ZEB1: variants seen among roughly 807,000 people sequenced by gnomAD.
The protein encoded by ZEB1 is zinc finger E-box binding homeobox 1.
A neutral mutation model predicts 84.9 loss-of-function variants in ZEB1; 21 were observed. The ratio of observed to expected loss-of-function variants is 0.25; its 90% CI spans 0.18 to 0.36. The LOEUF (loss-of-function observed/expected upper bound fraction) is 0.36. ZEB1 is among the 10% of genes least tolerant of loss of function. The pLI is 1.00. For missense variants in ZEB1, 1,104 were observed against 1,330.2 expected (o/e 0.83, Z 2.65); for synonymous variants, 420 against 471.1 (o/e 0.89, Z 1.41).
At chr10:31,348,195 T>C (rs2040662266) in intron 1 of ZEB1, among the ~76,000 whole-genome samples, 1 of 152,146 alleles carries the variant, frequency 6.6e-6, no homozygotes, top group Admixed American at 6.5e-5. Flanking sequence ...AAGCAGGGAA[T>C]GTCAGATGTA....
At chr10:31,448,553 T>G (rs2060098011) in intron 1 of ZEB1, among the ~76,000 whole-genome samples, 1 of 151,020 alleles carries the variant, frequency 6.6e-6, no homozygotes, top group Admixed American at 6.6e-5. Flanking sequence ...TTTATCTACT[T>G]TTGGTCTTTG....
At chr10:31,508,484 C>A (rs751155926) in intron 4 of ZEB1, among the ~76,000 whole-genome samples, 2 of 152,026 alleles carry the variant, frequency 1.3e-5, no homozygotes, top group African/African-American at 4.8e-5. Context: ...CAGGAGGGTG[C>A]CAGCTGTAGT....
At position 31,352,959 on chromosome 10, in the gene ZEB1, T is replaced by C. The variant is rs186817675; in HGVS notation, c.58+33667T>C. On this transcript the variant is annotated intron_variant, in intron 1 of 8. Transcript: ENST00000424869. ...GTATTGTTGCAGCCATCTATGGAAA[T>C]GCAAACTACCACAAGGAAGTGCAGT... Among the ~76,000 whole-genome samples, 5 of 152,308 alleles carry C rather than the reference T, an allele frequency of 3.3e-5. No individual in the cohort carries two copies. The East Asian group carries it at 9.6e-4, about 29-fold the overall frequency.
chr10:31,468,173 G>A (rs768497223), intron 2 of ZEB1, among the ~76,000 whole-genome samples: 7 of 152,158 alleles, frequency 4.6e-5, no homozygotes, highest in Middle Eastern at 3.4e-3. Context: ...GCCTGATCAC[G>A]GGCTCACCAG....
At chr10:31,472,332 G>C (rs1009522316) in intron 2 of ZEB1, among the ~76,000 whole-genome samples, 5 of 152,018 alleles carry the variant, frequency 3.3e-5, no homozygotes, top group Non-Finnish European at 5.9e-5. Context: ...AATAAAAAAA[G>C]AGAGAAGAAT....
intron 1 of ZEB1, among the ~76,000 whole-genome samples, chr10:31,402,126 T>A (rs1288526921): frequency 6.6e-6 from 1 of 151,980 alleles, no homozygotes; most frequent in Non-Finnish European, 1.5e-5. Flanking sequence ...TTGTTGTTGT[T>A]GTTGTTGTTG....
intron 1 of ZEB1, among the ~76,000 whole-genome samples, chr10:31,323,559 A>G (rs961196624): frequency 1.3e-5 from 2 of 152,168 alleles, no homozygotes; most frequent in South Asian, 4.1e-4. Flanking sequence ...CAGTGAGTGC[A>G]TACGTTTTAA....
At chr10:31,363,557 G>C (rs945261016) in intron 1 of ZEB1, 1 of 1,527,696 alleles carries the variant, frequency 6.5e-7, no homozygotes, top group Admixed American at 2.0e-5. Context: ...GTCTCTACCT[G>C]GTCTTTCACC....
At chr10:31,453,559 A>G (rs551912932) in intron 1 of ZEB1, among the ~76,000 whole-genome samples, 3 of 152,192 alleles carry the variant, frequency 2.0e-5, no homozygotes, top group Admixed American at 2.0e-4. Flanking sequence ...TTTAATTACT[A>G]TAGTTGATAC....
chr10:31,393,815 T>G (rs1372447557), intron 1 of ZEB1, among the ~76,000 whole-genome samples: 1 of 152,224 alleles, frequency 6.6e-6, no homozygotes, highest in Non-Finnish European at 1.5e-5. Context: ...TTATATCTTT[T>G]TGTGTATAAA....
chr10:31,361,429 A>T (rs552919682), intron 1 of ZEB1, among the ~76,000 whole-genome samples: 1 of 152,324 alleles, frequency 6.6e-6, no homozygotes, highest in East Asian at 1.9e-4. Flanking sequence ...CTTTTTTTAA[A>T]TTAAAAAGTA....
chr10:31,329,045 A>G (rs1195760328), intron 1 of ZEB1, among the ~76,000 whole-genome samples: 1 of 152,056 alleles, frequency 6.6e-6, no homozygotes, highest in Non-Finnish European at 1.5e-5. Flanking sequence ...TAATTTATAT[A>G]CAATAAGATA....
intron 1 of ZEB1, among the ~76,000 whole-genome samples, chr10:31,376,614 G>A (rs1170294100): frequency 6.6e-6 from 1 of 151,548 alleles, no homozygotes; most frequent in African/African-American, 2.4e-5. Context: ...ATACTGGTTG[G>A]GTGTGAGTAT....
At chr10:31,397,873 T>C (rs963338874) in intron 1 of ZEB1, among the ~76,000 whole-genome samples, 3 of 152,174 alleles carry the variant, frequency 2.0e-5, no homozygotes, top group African/African-American at 7.2e-5. Context: ...TAGATGCATG[T>C]GTTATTCTAC....
At chr10:31,425,875 G>A (rs1014282783) in intron 1 of ZEB1, among the ~76,000 whole-genome samples, 10 of 152,176 alleles carry the variant, frequency 6.6e-5, no homozygotes, top group Non-Finnish European at 1.3e-4. Context: ...TGAAAGGATG[G>A]TATAATTGTT....
Position 31,527,599 on chromosome 10 carries a change from AATTAG to A in ZEB1, c.*338_*342del, listed in dbSNP as rs1183358330. 1 of 283,214 alleles carries A rather than the reference AATTAG, an allele frequency of 3.5e-6. No individual in the cohort carries two copies. Among genetic ancestry groups the A allele is most frequent in the African/African-American group, 2.2e-5 (1 of 45,702 alleles). 17.5% of individuals were successfully genotyped at this position (283,214 alleles called of 1,614,324 possible). ...TACAAGAGGTTAAAGGAAGCTGATT[AATTAG>A]ATATGCATCTGGCATTGTTTTATCT... On this transcript the variant is annotated 3_prime_UTR_variant, in exon 9 of 9. Coordinates refer to ENST00000424869, the MANE Select transcript of ZEB1 (RefSeq NM_001174096.2).
At chr10:31,497,545 G>A (rs1000371152) in intron 3 of ZEB1, among the ~76,000 whole-genome samples, 1 of 152,140 alleles carries the variant, frequency 6.6e-6, no homozygotes, top group Non-Finnish European at 1.5e-5. Flanking sequence ...TCCAGTGAGT[G>A]TAGCTTTAAA....
chr10:31,443,149 T>C (rs1435946672), intron 1 of ZEB1, among the ~76,000 whole-genome samples: 1 of 152,196 alleles, frequency 6.6e-6, no homozygotes, highest in Admixed American at 6.5e-5. Flanking sequence ...TTGAGCATCT[T>C]TTTACATGTT....
At chr10:31,491,970 G>A (rs1291100989) in intron 2 of ZEB1, among the ~76,000 whole-genome samples, 1 of 151,940 alleles carries the variant, frequency 6.6e-6, no homozygotes, top group African/African-American at 2.4e-5. Flanking sequence ...ACACATTCAG[G>A]TCTGAATTTA....
Sources: gnomAD v4.1 joint callset for allele counts (sites outside exome capture counted in the v4.1 genomes callset) on GRCh38, gnomAD v4.1.1 for gene constraint, MANE v1.5 for transcripts, NCBI Gene and HGNC (gene_info 2026-07-23, HGNC 2026-07-21) for gene names.